Variants in PRR16 observed in about 807,000 individuals in gnomAD.
The protein encoded by PRR16 is proline rich 16, also known as protein Largen.
Under a neutral mutation model 18.2 loss-of-function variants are expected in PRR16, and 6 were observed. The observed-to-expected ratio is 0.33, with a 90% CI of 0.18 to 0.65. The LOEUF is 0.65. Ranked by LOEUF, PRR16 falls within the 30% of genes least tolerant of loss-of-function variation. The probability of loss-of-function intolerance (pLI) is 0.74; values close to 1 mark genes in which losing one functional copy is unlikely to be tolerated. For missense variants in PRR16, 412 were observed against 376.6 expected, an observed-to-expected ratio of 1.09 and a Z score of -0.78; for synonymous variants, 151 against 147.8, an observed-to-expected ratio of 1.02 and a Z score of -0.16.
chr5:120,762,880 C>T, the PRR16 span, among the ~76,000 whole-genome samples: 1 of 151,966 alleles, frequency 6.6e-6, no homozygotes, highest in Non-Finnish European at 1.5e-5. Context: ...TTTCTGTTTT[C>T]TTCTACTAAC....
chr5:120,480,064 C>T (rs1023599443), intron 1 of PRR16, among the ~76,000 whole-genome samples: 5 of 152,182 alleles, frequency 3.3e-5, no homozygotes, highest in South Asian at 4.2e-4. Flanking sequence ...GATACTGAAA[C>T]CTTATTCATA....
At chr5:120,729,203 C>G in the PRR16 span, among the ~76,000 whole-genome samples, 1 of 152,024 alleles carries the variant, frequency 6.6e-6, no homozygotes, top group Non-Finnish European at 1.5e-5. Context: ...AGGAAGGACT[C>G]AATATTTTTT....
chr5:120,693,847 A>G, the PRR16 span, among the ~76,000 whole-genome samples: 2 of 152,210 alleles, frequency 1.3e-5, no homozygotes, highest in Non-Finnish European at 2.9e-5. Flanking sequence ...ATTTATAGAA[A>G]TGATATGTAT....
intron 1 of PRR16, among the ~76,000 whole-genome samples, chr5:120,563,720 T>C (rs941224877): frequency 3.3e-5 from 5 of 152,182 alleles, no homozygotes; most frequent in African/African-American, 1.2e-4. Flanking sequence ...TGCCTATTGC[T>C]CTACCCCACT....
the PRR16 span, among the ~76,000 whole-genome samples, chr5:120,754,160 T>TAATATATAAATATG: frequency 1.5e-5 from 1 of 68,708 alleles, no homozygotes; most frequent in South Asian, 4.1e-4. Context: ...ATAAATATGA[T>TAATATATAAATATG]ATATAAATAT....
chr5:120,470,397 T>G (rs1400982533), intron 1 of PRR16, among the ~76,000 whole-genome samples: 1 of 152,130 alleles, frequency 6.6e-6, no homozygotes, highest in Non-Finnish European at 1.5e-5. Flanking sequence ...TAGTACCACA[T>G]AAAAATAAGT....
At chr5:120,583,467 C>T (rs1285029833) in intron 1 of PRR16, among the ~76,000 whole-genome samples, 1 of 151,970 alleles carries the variant, frequency 6.6e-6, no homozygotes, top group Non-Finnish European at 1.5e-5. Context: ...ATTAATTAAA[C>T]TTGGTAGGGG....
chr5:120,519,349 T>C (rs1751098918), intron 1 of PRR16, among the ~76,000 whole-genome samples: 1 of 152,176 alleles, frequency 6.6e-6, no homozygotes, highest in Admixed American at 6.5e-5. Flanking sequence ...AATGATATTC[T>C]GTATAGTGAT....
intron 1 of PRR16, among the ~76,000 whole-genome samples, chr5:120,501,619 A>C (rs1750455601): frequency 6.6e-6 from 1 of 152,170 alleles, no homozygotes; most frequent in Non-Finnish European, 1.5e-5. Context: ...TCATTCATAG[A>C]AATGAGTGGA....
the PRR16 span, among the ~76,000 whole-genome samples, chr5:120,725,499 A>G: frequency 2.6e-5 from 4 of 151,944 alleles, no homozygotes. Context: ...TCCGCACAAA[A>G]TTAAAACACA....
chr5:120,625,672 A>G (rs779491420), intron 1 of PRR16, among the ~76,000 whole-genome samples: 11 of 152,182 alleles, frequency 7.2e-5, no homozygotes, highest in Admixed American at 7.2e-4. Context: ...CCGTATAAAA[A>G]CATGTGGGTT....
At chr5:120,558,540 A>G (rs996956816) in intron 1 of PRR16, among the ~76,000 whole-genome samples, 1 of 151,914 alleles carries the variant, frequency 6.6e-6, no homozygotes, top group Non-Finnish European at 1.5e-5. Flanking sequence ...TTCTTTATCC[A>G]TTCATCTATT....
chr5:120,571,721 C>T (rs180857162), intron 1 of PRR16, among the ~76,000 whole-genome samples: 1 of 152,252 alleles, frequency 6.6e-6, no homozygotes, highest in East Asian at 1.9e-4. Context: ...GAAAAGATTA[C>T]TCCAAAACTT....
At chr5:120,745,690 T>A in the PRR16 span, among the ~76,000 whole-genome samples, 9 of 135,242 alleles carry the variant, frequency 6.7e-5, no homozygotes, top group Non-Finnish European at 1.4e-4. Flanking sequence ...ATTTTATTAT[T>A]TATTTATTTA....
At chr5:120,654,907 T>C (rs1049709924) in intron 1 of PRR16, among the ~76,000 whole-genome samples, 1 of 151,760 alleles carries the variant, frequency 6.6e-6, no homozygotes, top group African/African-American at 2.4e-5. Flanking sequence ...TATTAGAGAT[T>C]ATCAGAAAGA....
intron 1 of PRR16, among the ~76,000 whole-genome samples, chr5:120,614,184 T>A (rs563646736): frequency 6.6e-6 from 1 of 152,308 alleles, no homozygotes; most frequent in South Asian, 2.1e-4. Flanking sequence ...TCATTGAGCA[T>A]AAAGGAAACA....
chr5:120,643,971 C>T (rs187013693), intron 1 of PRR16, among the ~76,000 whole-genome samples: 12 of 152,102 alleles, frequency 7.9e-5, no homozygotes, highest in African/African-American at 2.4e-4. Flanking sequence ...TGCCACTGTA[C>T]TCCAGCCTGG....
At chr5:120,745,865 A>ATTTTTTTTTTTTTTTT in the PRR16 span, among the ~76,000 whole-genome samples, 190 of 127,436 alleles carry the variant, frequency 1.5e-3, 4 homozygotes, top group Middle Eastern at 4.0e-3. Context: ...CGCCCGGGTA[A>ATTTTTTTTTTTTTTTT]TTTTTTTTTT....
intron 1 of PRR16, among the ~76,000 whole-genome samples, chr5:120,479,077 A>G (rs915216907): frequency 1.3e-5 from 2 of 151,982 alleles, no homozygotes; most frequent in Non-Finnish European, 2.9e-5. Flanking sequence ...TACTTCCTCT[A>G]GTGTTCAAAA....
Sources: allele counts gnomAD v4.1 joint callset (sites outside exome capture counted in the v4.1 genomes callset), GRCh38; gene constraint gnomAD v4.1.1; transcripts MANE v1.5; gene names NCBI Gene and HGNC (gene_info 2026-07-23, HGNC 2026-07-21).